Variants in CDH18 observed in about 807,000 individuals in gnomAD.
CDH18 encodes the protein cadherin 18.
CDH18 carries 31 observed loss-of-function variants against 67.9 expected under a neutral mutation model. That is an observed-to-expected ratio of 0.46 (90% CI 0.34 to 0.62). The LOEUF (loss-of-function observed/expected upper bound fraction) is 0.62. CDH18 is among the 20% of genes least tolerant of loss of function. The pLI is 0.01. For missense variants in CDH18, 890 were observed against 975.5 expected (o/e 0.91, Z 1.17); for synonymous variants, 362 against 347.2 (o/e 1.04, Z -0.48).
chr5:19,484,882 C>T (rs1740111316), intron 11 of CDH18, among the ~76,000 whole-genome samples: 1 of 152,178 alleles, frequency 6.6e-6, no homozygotes, highest in African/African-American at 2.4e-5. Flanking sequence ...TAGGCAGCTA[C>T]ATCTATGAGT....
At chr5:20,343,347 A>G (rs955480232) in intron 1 of CDH18, among the ~76,000 whole-genome samples, 13 of 152,308 alleles carry the variant, frequency 8.5e-5, no homozygotes, top group East Asian at 1.9e-4. Flanking sequence ...TTTGAATTAT[A>G]AAAACAGAGA....
chr5:19,828,800 G>A (rs1418161934), intron 3 of CDH18, among the ~76,000 whole-genome samples: 1 of 152,152 alleles, frequency 6.6e-6, no homozygotes. Context: ...ACTTTGGGAG[G>A]CCAAGGCGGG....
intron 1 of CDH18, among the ~76,000 whole-genome samples, chr5:20,462,494 C>G (rs73060638): frequency 0.083 from 12,695 of 152,088 alleles, 1,703 homozygotes; most frequent in African/African-American, 0.28. Flanking sequence ...GAACAGAGAA[C>G]TTGAAATGTT....
At position 19,736,216 on chromosome 5, in the gene CDH18, C is replaced by T. The variant is rs112572203; in HGVS notation, c.523+10726G>A. On this transcript the variant is annotated intron_variant, in intron 4 of 12. Coordinates refer to ENST00000382275, the MANE Select transcript of CDH18 (RefSeq NM_004934.5). ...GTTCAGTGTGGGCAACATTGTAAAA[C>T]CCTGTCTCTAATAAAAATACAACAA... Among the ~76,000 whole-genome samples, 1,430 of 152,192 alleles carry T rather than the reference C, an allele frequency of 9.4e-3. 23 individuals carry two copies. The highest frequency in any genetic ancestry group is 0.033 in the African/African-American group (1,375 of 41,522).
chr5:19,968,448 C>T (rs1356178498), intron 2 of CDH18, among the ~76,000 whole-genome samples: 3 of 152,082 alleles, frequency 2.0e-5, no homozygotes, highest in Non-Finnish European at 2.9e-5. Flanking sequence ...AACTATACTA[C>T]AAGGCTACAG....
intron 10 of CDH18, among the ~76,000 whole-genome samples, chr5:19,509,807 A>T (rs539466376): frequency 1.8e-4 from 28 of 152,234 alleles, no homozygotes; most frequent in African/African-American, 6.7e-4. Context: ...TTTTTCTTAA[A>T]TCATTCTACT....
intron 2 of CDH18, among the ~76,000 whole-genome samples, chr5:20,203,538 A>T (rs1329878072): frequency 6.6e-6 from 1 of 151,328 alleles, no homozygotes; most frequent in African/African-American, 2.4e-5. Flanking sequence ...GGCTTGAAGC[A>T]CCACTGAGTG....
At chr5:19,766,492 TC>T (rs1363983964) in intron 3 of CDH18, among the ~76,000 whole-genome samples, 2 of 152,136 alleles carry the variant, frequency 1.3e-5, no homozygotes, top group African/African-American at 4.8e-5. Flanking sequence ...CTGTAAGTGG[TC>T]TCATTACCTC....
At chr5:20,245,684 T>C (rs772311724) in intron 2 of CDH18, among the ~76,000 whole-genome samples, 5 of 152,126 alleles carry the variant, frequency 3.3e-5, no homozygotes, top group Non-Finnish European at 7.4e-5. Flanking sequence ...GATAAGTCAG[T>C]GCCCCCTATT....
In CDH18 at chr5:19,483,249, C is replaced by A; in HGVS notation, c.1882+52G>T. 2.0e-6 allele frequency: 3 copies of A among 1,536,338 alleles called. No homozygotes were observed. The South Asian group carries it at 3.7e-5, about 19-fold the overall frequency. On this transcript the variant is annotated intron_variant, in intron 12 of 12. Transcript: ENST00000382275. ...ATCCTTAAGATTTGTCAAAATGATT[C>A]CCTCTCATTCAGAATTGCCATCATG...
At chr5:20,514,642 G>A (rs1457574868) in intron 1 of CDH18, among the ~76,000 whole-genome samples, 1 of 152,018 alleles carries the variant, frequency 6.6e-6, no homozygotes, top group Non-Finnish European at 1.5e-5. Context: ...CTGTCCCTAT[G>A]AGTGTTTTTA....
At chr5:20,507,847 C>A (rs1277663522) in intron 1 of CDH18, among the ~76,000 whole-genome samples, 1 of 152,104 alleles carries the variant, frequency 6.6e-6, no homozygotes, top group Non-Finnish European at 1.5e-5. Flanking sequence ...TTTTGCCCAA[C>A]TAAATTAAAC....
intron 1 of CDH18, among the ~76,000 whole-genome samples, chr5:20,555,357 T>C (rs979907032): frequency 2.9e-5 from 4 of 139,138 alleles, no homozygotes; most frequent in African/African-American, 1.1e-4. Context: ...TATGGTATTT[T>C]GTTATAGTAG....
intron 5 of CDH18, among the ~76,000 whole-genome samples, chr5:19,696,013 C>T (rs1561071365): frequency 2.0e-5 from 3 of 152,046 alleles, no homozygotes. Flanking sequence ...AAGTTTTCAT[C>T]TAAAAAAATT....
intron 2 of CDH18, among the ~76,000 whole-genome samples, chr5:20,114,203 G>C (rs1469351017): frequency 2.0e-5 from 3 of 152,174 alleles, no homozygotes; most frequent in Admixed American, 2.0e-4. Context: ...CAAATAAACT[G>C]TACCTAAAAA....
intron 1 of CDH18, among the ~76,000 whole-genome samples, chr5:20,288,637 A>G (rs1366172867): frequency 6.6e-6 from 1 of 151,848 alleles, no homozygotes; most frequent in Non-Finnish European, 1.5e-5. Context: ...CCATCAAACC[A>G]ACGAAGAGTG....
chr5:19,480,805 C>T (rs1579693211), intron 12 of CDH18, among the ~76,000 whole-genome samples: 1 of 152,110 alleles, frequency 6.6e-6, no homozygotes, highest in Admixed American at 6.5e-5. Context: ...GGCTGAAGTG[C>T]GGTGGTGTGA....
At chr5:20,034,315 G>C (rs1161109679) in intron 2 of CDH18, among the ~76,000 whole-genome samples, 1 of 151,914 alleles carries the variant, frequency 6.6e-6, no homozygotes, top group Non-Finnish European at 1.5e-5. Context: ...CACACCCCCT[G>C]TTTATTTAAA....
chr5:20,561,326 C>T (rs1758197275), intron 1 of CDH18, among the ~76,000 whole-genome samples: 1 of 152,034 alleles, frequency 6.6e-6, no homozygotes, highest in African/African-American at 2.4e-5. Context: ...CAATATTATT[C>T]ATAATTGTCA....
Sources: gnomAD v4.1 joint callset for allele counts (sites outside exome capture counted in the v4.1 genomes callset) on GRCh38, gnomAD v4.1.1 for gene constraint, MANE v1.5 for transcripts, NCBI Gene and HGNC (gene_info 2026-07-23, HGNC 2026-07-21) for gene names.